CNTN1: variants seen among roughly 807,000 people sequenced by gnomAD.
The protein encoded by CNTN1 is contactin-1.
CNTN1 carries 38 observed loss-of-function variants against 126.4 expected under a neutral mutation model. The ratio of observed to expected loss-of-function variants is 0.30; its 90% CI spans 0.23 to 0.39. CNTN1 has a LOEUF of 0.39. Among genes scored for constraint, CNTN1 ranks in the 10% least tolerant of loss-of-function variants. The probability of loss-of-function intolerance (pLI) is 1.00; values close to 1 mark genes in which losing one functional copy is unlikely to be tolerated. For missense variants in CNTN1, 1,009 were observed against 1,248.4 expected (o/e 0.81, Z 2.89); for synonymous variants, 413 against 422.6 (o/e 0.98, Z 0.28).
chr12:40,943,966 A>C (rs1385899916), intron 13 of CNTN1, 29 bp from the exon 14 acceptor site: 1 of 1,597,780 alleles, frequency 6.3e-7, no homozygotes, highest in Admixed American at 1.7e-5. Context: ...TATCTTCTTG[A>C]ATTGTGCTTT....
intron 1 of CNTN1, among the ~76,000 whole-genome samples, chr12:40,721,114 C>T (rs1942197636): frequency 6.6e-6 from 1 of 152,080 alleles, no homozygotes; most frequent in East Asian, 1.9e-4. Context: ...TTGAATCTCT[C>T]TCTCCTCTTT....
chr12:41,036,440 CT>C (rs1278182387), intron 23 of CNTN1, among the ~76,000 whole-genome samples: 2 of 152,020 alleles, frequency 1.3e-5, no homozygotes, highest in Admixed American at 6.6e-5. Context: ...CAAATGTGGA[CT>C]TTTTAGGAAA....
intron 1 of CNTN1, among the ~76,000 whole-genome samples, chr12:40,720,976 T>TATATA (rs762942012): frequency 2.0e-5 from 3 of 150,920 alleles, no homozygotes; most frequent in Admixed American, 6.6e-5. Context: ...TGTATATATG[T>TATATA]TATAACATAT....
chr12:40,915,637 A>G (rs1453173289), intron 3 of CNTN1, among the ~76,000 whole-genome samples: 1 of 151,218 alleles, frequency 6.6e-6, no homozygotes, highest in Non-Finnish European at 1.5e-5. Context: ...AGAAGGTTCA[A>G]AGGAAAACTC....
chr12:40,859,470 T>C (rs1943044100), intron 1 of CNTN1, among the ~76,000 whole-genome samples: 1 of 152,034 alleles, frequency 6.6e-6, no homozygotes. Flanking sequence ...AATTTTTCTG[T>C]AAACCTAAAA....
intron 1 of CNTN1, among the ~76,000 whole-genome samples, chr12:40,795,084 G>A (rs1422467334): frequency 6.6e-6 from 1 of 152,016 alleles, no homozygotes; most frequent in African/African-American, 2.4e-5. Context: ...ATCCAATCAT[G>A]TGAAGGTCTT....
At chr12:40,954,303 A>G (rs1331647418) in intron 14 of CNTN1, among the ~76,000 whole-genome samples, 1 of 152,042 alleles carries the variant, frequency 6.6e-6, no homozygotes, top group Admixed American at 6.6e-5. Context: ...ATGTCAAGAA[A>G]CATCAAAACA....
rs149522888 is a variant in CNTN1, at chr12:41,067,940, A to G, written c.2981-2019A>G. On this transcript the variant is annotated intron_variant, in intron 23 of 23. Coordinates refer to ENST00000551295, the MANE Select transcript of CNTN1 (RefSeq NM_001843.4). ...AAAGTAGAAGATAAAAAAAATTACA[A>G]GAATACAAAGATCTCTTTGAAACAG... 3.9e-5 allele frequency among the ~76,000 whole-genome samples: 6 copies of G among 152,338 alleles called. No homozygotes were observed. In the East Asian group the frequency reaches 1.2e-3, roughly 29 times the overall value.
intron 1 of CNTN1, among the ~76,000 whole-genome samples, chr12:40,892,506 T>G (rs542653463): frequency 6.6e-6 from 1 of 152,156 alleles, no homozygotes; most frequent in East Asian, 1.9e-4. Flanking sequence ...GAAAACAAAA[T>G]GGAATCATTC....
chr12:40,825,721 ATCTTT>A (rs1246197990), intron 1 of CNTN1, among the ~76,000 whole-genome samples: 1 of 152,102 alleles, frequency 6.6e-6, no homozygotes, highest in Non-Finnish European at 1.5e-5. Context: ...TACTTGCTGC[ATCTTT>A]TCTTTGATTT....
intron 1 of CNTN1, among the ~76,000 whole-genome samples, chr12:40,809,609 G>A (rs1318020059): frequency 6.6e-6 from 1 of 152,134 alleles, no homozygotes; most frequent in African/African-American, 2.4e-5. Flanking sequence ...CGGATCACGA[G>A]GTCAGGAGTT....
At chr12:40,874,665 A>C (rs1943611422) in intron 1 of CNTN1, among the ~76,000 whole-genome samples, 1 of 152,134 alleles carries the variant, frequency 6.6e-6, no homozygotes, top group East Asian at 1.9e-4. Context: ...TTATGAATGA[A>C]ACTGCAGTGA....
intron 1 of CNTN1, among the ~76,000 whole-genome samples, chr12:40,703,932 A>G (rs950184104): frequency 6.6e-6 from 1 of 152,158 alleles, no homozygotes; most frequent in Non-Finnish European, 1.5e-5. Context: ...TAAAATAGAT[A>G]AAAAGGTAGT....
chr12:40,921,255 T>C (rs1945432680), intron 4 of CNTN1, among the ~76,000 whole-genome samples: 1 of 146,912 alleles, frequency 6.8e-6, no homozygotes, highest in Non-Finnish European at 1.5e-5. Context: ...TTGGGCATGA[T>C]TATTACTCTA....
intron 1 of CNTN1, among the ~76,000 whole-genome samples, chr12:40,897,385 C>T (rs1212754591): frequency 6.6e-6 from 1 of 152,078 alleles, no homozygotes; most frequent in African/African-American, 2.4e-5. Context: ...TGAGAATTTG[C>T]TTCTACTGTT....
chr12:40,769,762 G>C (rs752962821), intron 1 of CNTN1, among the ~76,000 whole-genome samples: 1 of 152,060 alleles, frequency 6.6e-6, no homozygotes, highest in South Asian at 2.1e-4. Flanking sequence ...CCTGAGGCAA[G>C]TGCCTTATTG....
intron 1 of CNTN1, among the ~76,000 whole-genome samples, chr12:40,705,863 G>A (rs999692429): frequency 1.3e-5 from 2 of 152,174 alleles, no homozygotes; most frequent in African/African-American, 4.8e-5. Flanking sequence ...CATGGCAGGA[G>A]CAGGATCAAG....
intron 6 of CNTN1, among the ~76,000 whole-genome samples, 160 bp downstream of exon 6, chr12:40,924,812 G>T (rs1048795475): frequency 1.4e-5 from 2 of 147,752 alleles, no homozygotes; most frequent in Non-Finnish European, 3.0e-5. Flanking sequence ...AATTGTTGTG[G>T]ACACTTTCTT....
Position 40,979,690 on chromosome 12 carries a change from G to A in CNTN1, c.1805-1219G>A, listed in dbSNP as rs553025998. Among the ~76,000 whole-genome samples, 88 of 152,116 alleles carry A rather than the reference G, an allele frequency of 5.8e-4. 4 individuals carry two copies. The South Asian group carries it at 0.018, about 31-fold the overall frequency. The stretch of plus-strand genomic sequence containing the variant: ...GACTTCTTTAGCTTTTGAAGTGATA[G>A]ATGCCACTTCACCACTTAAAGGACA... On this transcript the variant is annotated intron_variant, in intron 15 of 23. Transcript: ENST00000551295.
Sources: gnomAD v4.1 joint callset for allele counts (sites outside exome capture counted in the v4.1 genomes callset) on GRCh38, gnomAD v4.1.1 for gene constraint, MANE v1.5 for transcripts, NCBI Gene and HGNC (gene_info 2026-07-23, HGNC 2026-07-21) for gene names.